Variants in IMMP2L observed in about 807,000 individuals in gnomAD.
The protein encoded by IMMP2L is mitochondrial inner membrane protease subunit 2.
A neutral mutation model predicts 19.3 loss-of-function variants in IMMP2L; 18 were observed. The observed-to-expected ratio is 0.93, with a 90% CI of 0.64 to 1.38. The LOEUF is 1.38. IMMP2L is among the 40% of genes most tolerant of loss of function. The probability of loss-of-function intolerance (pLI) is 0.00; values close to 1 mark genes in which losing one functional copy is unlikely to be tolerated. For synonymous variants in IMMP2L, 76 were observed against 73.0 expected (o/e 1.04, Z -0.21); for missense variants, 233 against 218.2 (o/e 1.07, Z -0.43).
rs180829062 is a variant in IMMP2L, at chr7:110,987,585, T to C, written c.240-24020A>G. On this transcript the variant is annotated intron_variant, in intron 3 of 5. Coordinates refer to ENST00000405709, the MANE Select transcript of IMMP2L (RefSeq NM_032549.4). ...AATGGTAGAACCTTAAGAAGGCTTC[T>C]ATGGGAAATTAAACTTTGGAAACAC... Among the ~76,000 whole-genome samples, 173 of 152,310 alleles carry C rather than the reference T, an allele frequency of 1.1e-3. 1 individual carries two copies. Among genetic ancestry groups the C allele is most frequent in the African/African-American group, 4.1e-3 (172 of 41,578 alleles).
At chr7:111,463,334 A>G in intron 3 of IMMP2L, among the ~76,000 whole-genome samples, 1 of 152,100 alleles carries the variant, frequency 6.6e-6, no homozygotes, top group East Asian at 1.9e-4. Flanking sequence ...CTCAACCCAT[A>G]ACATGTGACA....
intron 5 of IMMP2L, among the ~76,000 whole-genome samples, chr7:110,684,800 C>G (rs181443497): frequency 3.9e-5 from 6 of 152,110 alleles, no homozygotes. Context: ...CATTTCCCTA[C>G]CAAAGTGGAA....
At chr7:111,191,392 A>G (rs1808852254) in intron 3 of IMMP2L, among the ~76,000 whole-genome samples, 1 of 151,278 alleles carries the variant, frequency 6.6e-6, no homozygotes, top group Non-Finnish European at 1.5e-5. Flanking sequence ...CCAGAAAGAT[A>G]GTTAAAATCT....
intron 5 of IMMP2L, among the ~76,000 whole-genome samples, chr7:110,675,164 CT>C (rs1459151420): frequency 1.3e-5 from 2 of 152,186 alleles, no homozygotes; most frequent in Non-Finnish European, 2.9e-5. Context: ...CCAGTGTTTT[CT>C]CTTAGAATGT....
intron 5 of IMMP2L, among the ~76,000 whole-genome samples, chr7:110,734,442 T>C (rs900321160): frequency 5.9e-5 from 9 of 152,214 alleles, no homozygotes; most frequent in African/African-American, 2.2e-4. Flanking sequence ...AAGAAATCTC[T>C]AATCAAAGTT....
At chr7:111,050,800 A>G (rs1393482654) in intron 3 of IMMP2L, among the ~76,000 whole-genome samples, 1 of 152,226 alleles carries the variant, frequency 6.6e-6, no homozygotes, top group Non-Finnish European at 1.5e-5. Flanking sequence ...TGCCCTTAAA[A>G]ACACACATCT....
chr7:110,823,931 G>A (rs1027858345), intron 5 of IMMP2L, among the ~76,000 whole-genome samples: 31 of 152,038 alleles, frequency 2.0e-4, no homozygotes, highest in Non-Finnish European at 7.4e-5. Context: ...AGAGGCAGAA[G>A]TCTGATCTAT....
At chr7:111,448,126 A>G (rs934666278) in intron 3 of IMMP2L, among the ~76,000 whole-genome samples, 3 of 138,820 alleles carry the variant, frequency 2.2e-5, no homozygotes, top group Non-Finnish European at 4.5e-5. Context: ...TTAACACCCC[A>G]CTGTCAACAT....
intron 5 of IMMP2L, among the ~76,000 whole-genome samples, chr7:110,693,439 G>C (rs543882155): frequency 1.3e-5 from 2 of 152,084 alleles, no homozygotes; most frequent in Non-Finnish European, 2.9e-5. Context: ...TTTTCTCCAG[G>C]TGACACATTA....
rs138639055 is a variant in IMMP2L, at chr7:110,819,042, T to C, written c.408+67551A>G. ...ACTTAATATGTGCAGCACACCAACATGGCACATGTATACATATGTAACAAA... is the reference window on the plus strand; with the variant it reads ...ACTTAATATGTGCAGCACACCAACACGGCACATGTATACATATGTAACAAA... On this transcript the variant is annotated intron_variant, in intron 5 of 5. Coordinates refer to ENST00000405709, the MANE Select transcript of IMMP2L (RefSeq NM_032549.4). Among the ~76,000 whole-genome samples the C allele has an allele frequency of 5.3e-5, 8 of 151,762 alleles. No homozygotes were observed. The East Asian group carries it at 1.2e-3, about 22-fold the overall frequency.
intron 5 of IMMP2L, among the ~76,000 whole-genome samples, chr7:110,863,787 A>G (rs1475838416): frequency 6.6e-6 from 1 of 152,130 alleles, no homozygotes; most frequent in African/African-American, 2.4e-5. Context: ...ATGTATTTCA[A>G]TGTACGATAT....
chr7:111,335,272 T>C (rs1401025495), intron 3 of IMMP2L, among the ~76,000 whole-genome samples: 1 of 152,110 alleles, frequency 6.6e-6, no homozygotes, highest in African/African-American at 2.4e-5. Context: ...TCCCTTTAAA[T>C]AGTAACAGAT....
At chr7:110,853,233 T>C (rs970327620) in intron 5 of IMMP2L, among the ~76,000 whole-genome samples, 2 of 151,916 alleles carry the variant, frequency 1.3e-5, no homozygotes, top group African/African-American at 4.8e-5. Context: ...GCCAAAATGG[T>C]TTGTTCTGGT....
intron 3 of IMMP2L, among the ~76,000 whole-genome samples, chr7:111,412,937 A>G (rs987664324): frequency 2.6e-5 from 4 of 151,756 alleles, no homozygotes; most frequent in Non-Finnish European, 4.4e-5. Context: ...TCGAAGAAAT[A>G]AAAAACAAAC....
chr7:111,477,917 T>C (rs1221711890), intron 3 of IMMP2L, among the ~76,000 whole-genome samples: 1 of 152,046 alleles, frequency 6.6e-6, no homozygotes, highest in African/African-American at 2.4e-5. Flanking sequence ...AAATAGACTT[T>C]TATCTTCTTT....
chr7:111,051,001 AG>A (rs1792951823), intron 3 of IMMP2L, among the ~76,000 whole-genome samples: 2 of 152,228 alleles, frequency 1.3e-5, no homozygotes, highest in Admixed American at 6.5e-5. Context: ...AAAGGATAAA[AG>A]AAAATATTCA....
intron 3 of IMMP2L, among the ~76,000 whole-genome samples, chr7:111,135,243 C>T (rs1802222546): frequency 6.6e-6 from 1 of 152,128 alleles, no homozygotes; most frequent in Non-Finnish European, 1.5e-5. Context: ...GATATTATAA[C>T]ACTCTACTGA....
chr7:110,972,468 TG>T (rs113826029), intron 3 of IMMP2L, among the ~76,000 whole-genome samples: 40 of 152,228 alleles, frequency 2.6e-4, no homozygotes, highest in African/African-American at 9.4e-4. Flanking sequence ...TTTTCCTTTC[TG>T]CTGGATAAAC....
intron 3 of IMMP2L, among the ~76,000 whole-genome samples, chr7:111,087,740 T>A (rs936089643): frequency 1.1e-4 from 17 of 152,078 alleles, no homozygotes; most frequent in Non-Finnish European, 2.2e-4. Flanking sequence ...AAATGGTAAG[T>A]AATAAGAGCG....
Sources: gnomAD v4.1 joint callset for allele counts (sites outside exome capture counted in the v4.1 genomes callset) on GRCh38, gnomAD v4.1.1 for gene constraint, MANE v1.5 for transcripts, NCBI Gene and HGNC (gene_info 2026-07-23, HGNC 2026-07-21) for gene names.